Variants in SLC35G2 observed in about 807,000 individuals in gnomAD.
SLC35G2 encodes transmembrane protein 22.
In SLC35G2, 20 loss-of-function variants were observed where a neutral mutation model predicts 27.2. The observed-to-expected ratio is 0.74, with a 90% CI of 0.52 to 1.07. The LOEUF is 1.07. SLC35G2 is among the 50% of genes least tolerant of loss of function. SLC35G2 has a pLI of 0.00. For missense variants in SLC35G2, 416 were observed against 493.3 expected (o/e 0.84, Z 1.48); for synonymous variants, 148 against 165.3 (o/e 0.90, Z 0.80).
chr3:136,854,476 T>C lies in SLC35G2; in HGVS notation c.16T>C (p.Ser6Pro). The change falls in exon 2 of 2, where the codon TCC (serine) becomes CCC (proline). Residue 6 changes from serine (S) to proline (P), a missense_variant. Coordinates refer to ENST00000446465, the MANE Select transcript of SLC35G2 (RefSeq NM_025246.3). Reference sequence around the variant, plus strand: ...ATCTGAAGAAATGGATACTTCTCCCTCCAGAAAATATCCAGTTAAAAAACG... The same window carrying C: ...ATCTGAAGAAATGGATACTTCTCCCCCCAGAAAATATCCAGTTAAAAAACG... MDTSP[S>P]RKYPVKKRVK... is the part of the protein sequence containing the mutation. 1 of 1,577,984 alleles carries C rather than the reference T, an allele frequency of 6.3e-7. No individual in the cohort carries two copies. Among genetic ancestry groups the C allele is most frequent in the Non-Finnish European group, 8.6e-7 (1 of 1,161,898 alleles).
chr3:136,845,890 G>C (rs539236522), intron 1 of SLC35G2, among the ~76,000 whole-genome samples: 1 of 149,732 alleles, frequency 6.7e-6, no homozygotes, highest in Non-Finnish European at 1.5e-5. Context: ...CACCGCACCC[G>C]GCCGTAAAAA....
intron 1 of SLC35G2, among the ~76,000 whole-genome samples, chr3:136,843,601 G>A (rs1056270504): frequency 6.6e-6 from 1 of 151,874 alleles, no homozygotes; most frequent in African/African-American, 2.4e-5. Context: ...AGCTGAGATT[G>A]CTCCATTGCA....
intron 1 of SLC35G2, chr3:136,839,109 TCTG>T (rs1255291738): frequency 2.1e-5 from 2 of 97,236 alleles, no homozygotes; most frequent in African/African-American, 7.6e-5. Context: ...GGAAGGTGAT[TCTG>T]CTTTTTTTTT....
At chr3:136,845,682 G>A (rs1261918485) in intron 1 of SLC35G2, among the ~76,000 whole-genome samples, 1 of 150,528 alleles carries the variant, frequency 6.6e-6, no homozygotes, top group Admixed American at 6.6e-5. Flanking sequence ...TGCAATATCC[G>A]CCTCCCAGGT....
chr3:136,840,781 G>A (rs1277323223), intron 1 of SLC35G2, among the ~76,000 whole-genome samples: 1 of 151,886 alleles, frequency 6.6e-6, no homozygotes, highest in Non-Finnish European at 1.5e-5. Context: ...ATTCCACCAT[G>A]CCTGGCTAAT....
At chr3:136,836,527 A>G (rs1221403865) in intron 1 of SLC35G2, among the ~76,000 whole-genome samples, 1 of 152,202 alleles carries the variant, frequency 6.6e-6, no homozygotes, top group East Asian at 1.9e-4. Context: ...TAGGTCTTCA[A>G]CACCAATGGA....
intron 1 of SLC35G2, among the ~76,000 whole-genome samples, chr3:136,825,443 G>A (rs1306166745): frequency 5.9e-5 from 9 of 151,862 alleles, no homozygotes; most frequent in African/African-American, 1.5e-4. Flanking sequence ...AGGTTTTGCC[G>A]TGTTGGCCAG....
intron 1 of SLC35G2, among the ~76,000 whole-genome samples, chr3:136,835,801 C>G (rs1024387270): frequency 1.1e-4 from 16 of 152,258 alleles, no homozygotes; most frequent in African/African-American, 3.9e-4. Context: ...AGATTATAAG[C>G]CATTACTATC....
intron 1 of SLC35G2, among the ~76,000 whole-genome samples, chr3:136,822,965 T>C (rs1331547666): frequency 6.6e-6 from 1 of 152,194 alleles, no homozygotes; most frequent in Non-Finnish European, 1.5e-5. Context: ...GCTCTATTTT[T>C]ATTTTTTTGA....
intron 1 of SLC35G2, among the ~76,000 whole-genome samples, chr3:136,821,588 C>T (rs1936458296): frequency 6.6e-6 from 1 of 152,084 alleles, no homozygotes; most frequent in Admixed American, 6.6e-5. Flanking sequence ...CTGGCCACCG[C>T]ACCCAGCTAG....
chr3:136,850,376 C>G (rs1036885748), intron 1 of SLC35G2, among the ~76,000 whole-genome samples: 8 of 151,962 alleles, frequency 5.3e-5, no homozygotes, highest in African/African-American at 1.9e-4. Flanking sequence ...TAAACTGTTA[C>G]AATGGGAGGA....
At position 136,855,792 on chromosome 3, in the gene SLC35G2, GAC is replaced by G. The variant is rs1273592304; in HGVS notation, c.*95_*96del. 3.2e-6 allele frequency: 3 copies of G among 947,242 alleles called. No individual in the cohort carries two copies. The highest frequency in any genetic ancestry group is 3.0e-5 in the South Asian group (2 of 66,158). The allele number at this position is 947,242 out of a possible 1,614,324, so 58.7% of individuals were successfully genotyped here. A position where few individuals can be genotyped will look rare whatever the true frequency, so the allele number is the denominator to read the frequency against. On this transcript the variant is annotated 3_prime_UTR_variant, in exon 2 of 2. Transcript: ENST00000446465. ...TGAATGTCTTTTGTGTTATATAACT[GAC>G]AGAGTGCTATAAAATATATAATATA...
chr3:136,823,054 A>G (rs1455313908), intron 1 of SLC35G2, among the ~76,000 whole-genome samples: 2 of 152,138 alleles, frequency 1.3e-5, no homozygotes, highest in East Asian at 1.9e-4. Flanking sequence ...CCCTTTCTCC[A>G]CATCCTTGCC....
chr3:136,824,130 A>T (rs1174296331), intron 1 of SLC35G2, among the ~76,000 whole-genome samples: 1 of 152,142 alleles, frequency 6.6e-6, no homozygotes, highest in Non-Finnish European at 1.5e-5. Flanking sequence ...ATAGCTCTGT[A>T]GTATAATTTG....
chr3:136,843,513 G>C (rs562512222), intron 1 of SLC35G2, among the ~76,000 whole-genome samples: 9 of 151,854 alleles, frequency 5.9e-5, no homozygotes, highest in African/African-American at 1.9e-4. Flanking sequence ...GGGTGTGGTG[G>C]CACACACCTA....
chr3:136,855,367 A>G lies in SLC35G2; in HGVS notation c.907A>G (p.Met303Val). The change falls in exon 2 of 2, where the codon ATG becomes GTG. Residue 303 changes from methionine (M) to valine (V), a missense_variant. Met to Val is a conservative substitution (Grantham distance 21). Coordinates refer to ENST00000446465, the MANE Select transcript of SLC35G2 (RefSeq NM_025246.3). ...TGGGACAATTTGGGGAATATCTACT[A>G]TGTTTATTCTTCAAGAACCCATCAT... ...WTGTIWGIST[M>V]FILQEPIIPL... 6.2e-7 allele frequency: 1 copy of G among 1,614,120 alleles called. No individual in the cohort carries two copies. Among genetic ancestry groups the G allele is most frequent in the African/African-American group, 1.3e-5 (1 of 75,060 alleles).
chr3:136,829,140 C>T lies in SLC35G2; in HGVS notation c.-19+9512C>T, dbSNP rs1160546818. 2.0e-5 allele frequency among the ~76,000 whole-genome samples: 3 copies of T among 152,168 alleles called. No homozygotes were observed. In the South Asian group the frequency reaches 6.2e-4, roughly 32 times the overall value. On this transcript the variant is annotated intron_variant, in intron 1 of 1. Transcript: ENST00000446465. Reference sequence around the variant, plus strand: ...ATCATTTAGTCTTTCTACATAAGAGCAGTTTACACACCACAATTATAGTGT... The same window carrying T: ...ATCATTTAGTCTTTCTACATAAGAGTAGTTTACACACCACAATTATAGTGT...
At chr3:136,850,498 G>A (rs540889998) in intron 1 of SLC35G2, among the ~76,000 whole-genome samples, 1 of 152,186 alleles carries the variant, frequency 6.6e-6, no homozygotes, top group South Asian at 2.1e-4. Context: ...GGGAAAATGA[G>A]CCAAATAATA....
chr3:136,829,378 TGCCCG>T (rs910513458), intron 1 of SLC35G2, among the ~76,000 whole-genome samples: 1 of 152,002 alleles, frequency 6.6e-6, no homozygotes, highest in Non-Finnish European at 1.5e-5. Context: ...GCCGCCACTA[TGCCCG>T]GCTAATTTTT....
Sources: allele counts gnomAD v4.1 joint callset (sites outside exome capture counted in the v4.1 genomes callset), GRCh38; gene constraint gnomAD v4.1.1; transcripts MANE v1.5; gene names NCBI Gene and HGNC (gene_info 2026-07-23, HGNC 2026-07-21).